ZFHX3: variants seen among roughly 807,000 people sequenced by gnomAD.
ZFHX3 encodes the protein zinc finger homeobox protein 3.
In ZFHX3, 42 loss-of-function variants were observed where a neutral mutation model predicts 279.1. The ratio of observed to expected loss-of-function variants is 0.15; its 90% CI spans 0.12 to 0.19. The LOEUF is 0.19. Ranked by LOEUF, ZFHX3 falls within the 10% of genes least tolerant of loss-of-function variation. The pLI is 1.00. For synonymous variants in ZFHX3, 2,293 were observed against 1,957.8 expected, an observed-to-expected ratio of 1.17 and a Z score of -4.52; for missense variants, 4,981 against 4,754.0, an observed-to-expected ratio of 1.05 and a Z score of -1.40.
chr16:73,398,860 T>TTG (rs1567471810), intron 3 of ZFHX3, among the ~76,000 whole-genome samples: 22 of 151,204 alleles, frequency 1.5e-4, no homozygotes, highest in East Asian at 3.9e-4. Flanking sequence ...GCAGTGGTTT[T>TTG]TTTTGTTTTG....
Position 73,173,813 on chromosome 16 carries a change from G to C in ZFHX3, c.-1103-29982C>G, listed in dbSNP as rs78416053. Reference sequence around the variant, plus strand: ...CCATGAAGGGAACGCTATAGAAGTGGGGGCGCAGGGCAGTTGCAAGCCTGT... The same window carrying C: ...CCATGAAGGGAACGCTATAGAAGTGCGGGCGCAGGGCAGTTGCAAGCCTGT... On this transcript the variant is annotated intron_variant, in intron 5 of 17. Coordinates refer to the ZFHX3 transcript ENST00000641206. 2.2e-4 allele frequency among the ~76,000 whole-genome samples: 33 copies of C among 152,276 alleles called. 1 individual carries two copies. In the East Asian group the frequency reaches 6.2e-3, roughly 29 times the overall value.
chr16:72,816,876 C>T (rs1176533578), intron 5 of ZFHX3, among the ~76,000 whole-genome samples: 2 of 152,188 alleles, frequency 1.3e-5, no homozygotes, highest in Admixed American at 6.5e-5. Context: ...CATGGAGACA[C>T]CAACTTCCAG....
rs572011925 is a variant in ZFHX3, at chr16:73,658,729, G to C, written c.-1547+21451C>G. ...TAATTTAAAATGATTTTTAAAAGCA[G>C]GCTAAAACAAATGGATAATTTGAAA... On this transcript the variant is annotated intron_variant, in intron 2 of 17. Coordinates refer to the ZFHX3 transcript ENST00000641206. 5.9e-5 allele frequency among the ~76,000 whole-genome samples: 9 copies of C among 152,164 alleles called. No homozygotes were observed. In the South Asian group the frequency reaches 1.9e-3, roughly 32 times the overall value.
intron 1 of ZFHX3, among the ~76,000 whole-genome samples, chr16:73,820,128 C>T (rs569971850): frequency 2.0e-5 from 3 of 152,162 alleles, no homozygotes; most frequent in South Asian, 2.1e-4. Flanking sequence ...CTTGCTCTGT[C>T]GCCCAGGCTG....
chr16:73,316,591 A>C (rs144051311), intron 4 of ZFHX3, among the ~76,000 whole-genome samples: 1 of 152,262 alleles, frequency 6.6e-6, no homozygotes, highest in East Asian at 1.9e-4. Context: ...CTACCAAATA[A>C]TATTCCATGT....
At chr16:73,506,136 C>T (rs528660339) in intron 2 of ZFHX3, among the ~76,000 whole-genome samples, 1 of 152,322 alleles carries the variant, frequency 6.6e-6, no homozygotes, top group South Asian at 2.1e-4. Context: ...TGCTTAAGGT[C>T]CACAGCTGTT....
intron 3 of ZFHX3, chr16:73,420,737 G>A (rs1233192547): frequency 6.6e-6 from 1 of 152,210 alleles, no homozygotes; most frequent in African/African-American, 2.4e-5. Flanking sequence ...CTGGGAATAT[G>A]TTTCGGGAAA....
At chr16:73,108,837 T>C (rs956858952) in intron 7 of ZFHX3, among the ~76,000 whole-genome samples, 3 of 152,234 alleles carry the variant, frequency 2.0e-5, no homozygotes, top group Admixed American at 6.5e-5. Flanking sequence ...ACTCCCTTCA[T>C]TGGAACTCAG....
chr16:73,112,679 G>C lies in ZFHX3; in HGVS notation c.-897+18289C>G, dbSNP rs1966388827. On this transcript the variant is annotated intron_variant, in intron 7 of 17. Transcript: ENST00000641206. ...TGCAGTGAGCTGAGATCGCGCCACT[G>C]CACTCCAGCCTGGGCGACGGCGTGA... Among the ~76,000 whole-genome samples the C allele has an allele frequency of 5.8e-5, 7 of 120,676 alleles. No homozygotes were observed. The South Asian group carries it at 2.0e-3, about 34-fold the overall frequency. The allele number at this position is 120,676 out of a possible 152,430, so 79.2% of individuals were successfully genotyped here. A position where few individuals can be genotyped will look rare whatever the true frequency, so the allele number is the denominator to read the frequency against.
intron 2 of ZFHX3, chr16:73,500,143 T>C (rs1375148733): frequency 6.6e-6 from 1 of 152,214 alleles, no homozygotes; most frequent in African/African-American, 2.4e-5. Context: ...TTAGGAGGAA[T>C]TCCAGAAGAA....
intron 4 of ZFHX3, among the ~76,000 whole-genome samples, chr16:73,277,328 C>T (rs934439005): frequency 9.2e-5 from 14 of 152,182 alleles, no homozygotes; most frequent in Non-Finnish European, 4.4e-5. Flanking sequence ...ACCAACCTTG[C>T]CTCAGATGAC....
At chr16:73,496,236 AG>A (rs1184101642) in intron 2 of ZFHX3, among the ~76,000 whole-genome samples, 2 of 152,236 alleles carry the variant, frequency 1.3e-5, no homozygotes, top group African/African-American at 4.8e-5. Flanking sequence ...TGCTTTTCTT[AG>A]AAACACATCG....
At chr16:73,357,903 G>A (rs1026372613) in intron 3 of ZFHX3, among the ~76,000 whole-genome samples, 2 of 152,118 alleles carry the variant, frequency 1.3e-5, no homozygotes, top group Non-Finnish European at 1.5e-5. Flanking sequence ...CAGGGACTTC[G>A]CACTGCTCTC....
At chr16:73,876,974 A>G (rs181551835) in intron 1 of ZFHX3, among the ~76,000 whole-genome samples, 5 of 151,810 alleles carry the variant, frequency 3.3e-5, no homozygotes, top group South Asian at 2.1e-4. Flanking sequence ...TAAAAAATCT[A>G]TGATACGAGT....
chr16:73,498,374 G>C (rs1402249654), intron 2 of ZFHX3, among the ~76,000 whole-genome samples: 1 of 152,194 alleles, frequency 6.6e-6, no homozygotes, highest in East Asian at 1.9e-4. Flanking sequence ...TTGGTTCCGT[G>C]AGTGTGCGCA....
chr16:73,344,093 T>A (rs1295470268), intron 3 of ZFHX3, among the ~76,000 whole-genome samples: 1 of 152,232 alleles, frequency 6.6e-6, no homozygotes, highest in Non-Finnish European at 1.5e-5. Flanking sequence ...CACAATTTCT[T>A]ATTAGTTGCA....
At chr16:73,331,458 G>C (rs1169744607) in intron 3 of ZFHX3, among the ~76,000 whole-genome samples, 1 of 152,200 alleles carries the variant, frequency 6.6e-6, no homozygotes, top group African/African-American at 2.4e-5. Context: ...GCCATGCTTT[G>C]AGTTGAGACA....
intron 4 of ZFHX3, among the ~76,000 whole-genome samples, chr16:73,300,535 A>G (rs8060467): frequency 0.88 from 133,282 of 151,446 alleles, 59,204 homozygotes; most frequent in African/African-American, 0.96. Flanking sequence ...ACAGAATCTC[A>G]CTCTGTCACC....
At chr16:73,744,801 G>A (rs563935548) in intron 1 of ZFHX3, among the ~76,000 whole-genome samples, 1 of 151,938 alleles carries the variant, frequency 6.6e-6, no homozygotes, top group African/African-American at 2.4e-5. Context: ...AAATTTCCTC[G>A]TGTTATTTCA....
Sources: allele counts gnomAD v4.1 joint callset (sites outside exome capture counted in the v4.1 genomes callset), GRCh38; gene constraint gnomAD v4.1.1; transcripts MANE v1.5; gene names NCBI Gene and HGNC (gene_info 2026-07-23, HGNC 2026-07-21).